Variants in MARCHF1 observed in about 807,000 individuals in gnomAD.
MARCHF1 encodes the protein membrane associated ring-CH-type finger 1.
Under a neutral mutation model 54.2 loss-of-function variants are expected in MARCHF1, and 40 were observed. The observed-to-expected ratio is 0.74, with a 90% confidence interval of 0.57 to 0.96. The LOEUF (loss-of-function observed/expected upper bound fraction) is 0.96, where lower values mean the gene tolerates loss of function less well. Among genes scored for constraint, MARCHF1 ranks in the 40% least tolerant of loss-of-function variants. The probability of loss-of-function intolerance (pLI) is 0.00; values close to 1 mark genes in which losing one functional copy is unlikely to be tolerated. For synonymous variants in MARCHF1, 236 were observed against 236.3 expected, an observed-to-expected ratio of 1.00 and a Z score of 0.01; for missense variants, 586 against 656.5, an observed-to-expected ratio of 0.89 and a Z score of 1.17.
chr4:164,275,608 A>T (rs1560984081), intron 1 of MARCHF1, among the ~76,000 whole-genome samples: 1 of 152,252 alleles, frequency 6.6e-6, no homozygotes, highest in Non-Finnish European at 1.5e-5. Context: ...ATTAAATTCC[A>T]TTCAGGTACT....
At chr4:163,683,718 C>T (rs72993110) in intron 5 of MARCHF1, among the ~76,000 whole-genome samples, 16,186 of 152,186 alleles carry the variant, frequency 0.11, 1,782 homozygotes, top group African/African-American at 0.29. Context: ...ATGTGTTCGA[C>T]TTATGATAGC....
At chr4:164,139,235 C>A (rs754854727) in intron 1 of MARCHF1, among the ~76,000 whole-genome samples, 2 of 152,108 alleles carry the variant, frequency 1.3e-5, no homozygotes, top group Non-Finnish European at 2.9e-5. Context: ...ATGCAGTGTT[C>A]TTTACTTTAA....
At chr4:163,816,873 GC>G (rs1748548163) in intron 4 of MARCHF1, among the ~76,000 whole-genome samples, 1 of 151,644 alleles carries the variant, frequency 6.6e-6, no homozygotes, top group African/African-American at 2.4e-5. Flanking sequence ...CCCCCGCTGT[GC>G]CCCCACTGCA....
chr4:164,197,237 G>C (rs369923118), intron 1 of MARCHF1: 2 of 1,610,534 alleles, frequency 1.2e-6, no homozygotes, highest in African/African-American at 2.7e-5. Flanking sequence ...CCCTCCACGT[G>C]GTCCTCAATA....
At chr4:163,794,913 A>G (rs1442405168) in intron 4 of MARCHF1, among the ~76,000 whole-genome samples, 1 of 152,134 alleles carries the variant, frequency 6.6e-6, no homozygotes, top group Non-Finnish European at 1.5e-5. Flanking sequence ...CAAAACTGAG[A>G]AATAGAACAT....
chr4:163,927,270 C>G (rs1182312982), intron 3 of MARCHF1, among the ~76,000 whole-genome samples: 1 of 151,748 alleles, frequency 6.6e-6, no homozygotes, highest in Non-Finnish European at 1.5e-5. Flanking sequence ...ACAAATAAGA[C>G]AAGCCTAACA....
At chr4:163,582,785 A>T (rs1270931327) in intron 8 of MARCHF1, among the ~76,000 whole-genome samples, 1 of 151,574 alleles carries the variant, frequency 6.6e-6, no homozygotes, top group Non-Finnish European at 1.5e-5. Flanking sequence ...AAAACTATTG[A>T]TGAATCTTAG....
At chr4:164,195,712 C>T (rs1484106241) in intron 1 of MARCHF1, among the ~76,000 whole-genome samples, 1 of 152,160 alleles carries the variant, frequency 6.6e-6, no homozygotes, top group East Asian at 1.9e-4. Context: ...CAATAAAGTT[C>T]TACAAAGATA....
At chr4:163,925,335 TA>T (rs1751514541) in intron 3 of MARCHF1, among the ~76,000 whole-genome samples, 1 of 151,834 alleles carries the variant, frequency 6.6e-6, no homozygotes, top group Non-Finnish European at 1.5e-5. Context: ...CCTCACTTTA[TA>T]AAATGGTCCA....
At chr4:164,343,787 A>C (rs1283600039) in intron 1 of MARCHF1, among the ~76,000 whole-genome samples, 2 of 152,208 alleles carry the variant, frequency 1.3e-5, no homozygotes, top group Non-Finnish European at 2.9e-5. Flanking sequence ...GGAAATGTAA[A>C]TTAGTTCAGT....
At chr4:163,753,612 G>A (rs183957945) in intron 4 of MARCHF1, among the ~76,000 whole-genome samples, 1 of 152,214 alleles carries the variant, frequency 6.6e-6, no homozygotes, top group African/African-American at 2.4e-5. Flanking sequence ...TAATATCATG[G>A]CTGGACCTAA....
chr4:164,140,777 C>A (rs968528849), intron 1 of MARCHF1, among the ~76,000 whole-genome samples: 14 of 152,088 alleles, frequency 9.2e-5, no homozygotes, highest in African/African-American at 3.4e-4. Flanking sequence ...TACATACACA[C>A]ACACACACTG....
At chr4:163,957,212 T>C (rs1411415391) in intron 3 of MARCHF1, among the ~76,000 whole-genome samples, 4 of 152,062 alleles carry the variant, frequency 2.6e-5, no homozygotes, top group South Asian at 4.1e-4. Flanking sequence ...ACATTCTAAA[T>C]CATGCATTAA....
chr4:163,979,716 A>G (rs1159832271), intron 3 of MARCHF1, among the ~76,000 whole-genome samples: 1 of 152,116 alleles, frequency 6.6e-6, no homozygotes, highest in Non-Finnish European at 1.5e-5. Flanking sequence ...TTGCCATTCT[A>G]ACTGGTGTGA....
chr4:163,589,447 T>G (rs1191082534), intron 7 of MARCHF1, among the ~76,000 whole-genome samples: 5 of 152,142 alleles, frequency 3.3e-5, no homozygotes, highest in Admixed American at 2.6e-4. Flanking sequence ...TTTATATATT[T>G]TTAGCATTTT....
At chr4:164,057,583 T>C (rs1560883918) in intron 2 of MARCHF1, among the ~76,000 whole-genome samples, 1 of 152,184 alleles carries the variant, frequency 6.6e-6, no homozygotes, top group Non-Finnish European at 1.5e-5. Flanking sequence ...TCATTCTTTT[T>C]AGAAGATGCA....
At position 164,351,463 on chromosome 4, in the gene MARCHF1, C is replaced by T. The variant is rs375943247; in HGVS notation, c.-323+32407G>A. 4.7e-3 allele frequency among the ~76,000 whole-genome samples: 706 copies of T among 151,072 alleles called. 11 individuals are homozygous for T. The highest frequency in any genetic ancestry group is 4.2e-3 in the Non-Finnish European group (282 of 67,496). ...AAGTGGGTCCCTGACCCCTGACCCC[C>T]GAGCAGCCTAACTGGGAGGCACCCC... On this transcript the variant is annotated intron_variant, in intron 1 of 9. Coordinates refer to ENST00000514618, the MANE Select transcript of MARCHF1 (RefSeq NM_001394959.1).
intron 4 of MARCHF1, among the ~76,000 whole-genome samples, chr4:163,815,458 C>T (rs962895775): frequency 6.6e-6 from 1 of 152,106 alleles, no homozygotes; most frequent in Non-Finnish European, 1.5e-5. Context: ...TGCATTAAAT[C>T]ATCACAACAG....
intron 2 of MARCHF1, among the ~76,000 whole-genome samples, chr4:164,044,970 A>C (rs1052166763): frequency 5.3e-5 from 8 of 152,156 alleles, no homozygotes; most frequent in Non-Finnish European, 7.3e-5. Context: ...CTAGTAACTC[A>C]GAAAAATAAA....
Sources: gnomAD v4.1 joint callset for allele counts (sites outside exome capture counted in the v4.1 genomes callset) on GRCh38, gnomAD v4.1.1 for gene constraint, MANE v1.5 for transcripts, NCBI Gene and HGNC (gene_info 2026-07-23, HGNC 2026-07-21) for gene names.